The following LPIN2 variants were observed in gnomAD, a reference collection of about 807,000 sequenced individuals.
The protein encoded by LPIN2 is lipin 2, also known as phosphatidate phosphatase LPIN2.
Under a neutral mutation model 111.4 loss-of-function variants are expected in LPIN2, and 55 were observed. That is an observed-to-expected ratio of 0.49 (90% CI 0.40 to 0.62). LPIN2 has a LOEUF of 0.62. Ranked by LOEUF, LPIN2 falls within the 20% of genes least tolerant of loss-of-function variation. The pLI, the probability that LPIN2 is intolerant of heterozygous loss-of-function variation, is 0.00. For synonymous variants in LPIN2, 425 were observed against 414.0 expected (o/e 1.03, Z -0.32); for missense variants, 992 against 1,112.1 (o/e 0.89, Z 1.54).
chr18:2,973,505 C>T lies in LPIN2; in HGVS notation c.-9-12656G>A, dbSNP rs1057415926. 3.3e-5 allele frequency among the ~76,000 whole-genome samples: 5 copies of T among 152,218 alleles called. No homozygotes were observed. The South Asian group carries it at 6.2e-4, about 19-fold the overall frequency. ...GTCCACGTGACATTAATCAATACTG[C>T]TGCATGTATCAGTAGTCTGTTCCCT... On this transcript the variant is annotated intron_variant, in intron 1 of 19. Coordinates refer to ENST00000677752, the MANE Select transcript of LPIN2 (RefSeq NM_001375808.2).
rs774090516 is a variant in LPIN2, at chr18:2,925,282, A to C, written c.1880T>G (p.Leu627Arg). The C allele has an allele frequency of 3.7e-6, 6 of 1,614,066 alleles. No homozygotes were observed. Among genetic ancestry groups the C allele is most frequent in the South Asian group, 1.1e-5 (1 of 91,092 alleles). The change falls in exon 14 of 20, where the codon CTG becomes CGG. Residue 627 changes from leucine (L) to arginine (R), a missense_variant. By Grantham distance (102) the Leu-to-Arg change is moderately radical. Coordinates refer to ENST00000677752, the MANE Select transcript of LPIN2 (RefSeq NM_001375808.2). This position sits in a 1 kb window ranked among gnomAD's most constrained non-coding sequence, Gnocchi z 4.1. ...ATATGAAGTTGTGCTGCCGTGGCTC[A>C]GGGGCTCTGTGGGGATGGGGTCCAC... is the stretch of plus-strand genomic sequence containing the variant. ...ITVDPIPTEP[L>R]SHGSTTSYKK...
At chr18:2,923,544 G>A (rs574242908) in intron 16 of LPIN2, among the ~76,000 whole-genome samples, 8 of 151,794 alleles carry the variant, frequency 5.3e-5, no homozygotes, top group Admixed American at 2.6e-4. Context: ...ATAGATGTAG[G>A]TAGTGCCTGA....
intron 7 of LPIN2, 140 bp downstream of exon 7, chr18:2,937,544 TAAAAAAAA>T (rs71366618): frequency 3.7e-4 from 128 of 345,702 alleles, no homozygotes; most frequent in East Asian, 1.1e-3. Context: ...AAACTCCAGC[TAAAAAAAA>T]AAAAAAAAAA....
At chr18:2,926,170 A>G (rs1028716998) in intron 13 of LPIN2, among the ~76,000 whole-genome samples, 6 of 152,174 alleles carry the variant, frequency 3.9e-5, no homozygotes, top group Non-Finnish European at 5.9e-5. Context: ...CTTAAAAGAT[A>G]TAGGATGGGG....
At chr18:2,932,633 T>G (rs546072679) in intron 8 of LPIN2, among the ~76,000 whole-genome samples, 35 of 152,294 alleles carry the variant, frequency 2.3e-4, no homozygotes, top group African/African-American at 8.2e-4. Flanking sequence ...TGTCTCCTCT[T>G]TCTCCGGGGC....
At chr18:2,996,799 G>GT (rs1056621951) in intron 1 of LPIN2, among the ~76,000 whole-genome samples, 11 of 151,950 alleles carry the variant, frequency 7.2e-5, no homozygotes, top group Non-Finnish European at 1.3e-4. Context: ...TATCTATTGA[G>GT]TATCATATAT....
intron 1 of LPIN2, among the ~76,000 whole-genome samples, chr18:2,988,012 C>CGAAAAAAAAA (rs2078211683): frequency 3.1e-5 from 1 of 32,344 alleles, no homozygotes; most frequent in Non-Finnish European, 6.4e-5. Flanking sequence ...GAGACTGTCT[C>CGAAAAAAAAA]AAAAAAAAAA....
At chr18:2,977,212 A>C (rs1174206190) in intron 1 of LPIN2, 1 of 152,060 alleles carries the variant, frequency 6.6e-6, no homozygotes, top group African/African-American at 2.4e-5. Flanking sequence ...AAAAAATCAT[A>C]AACACCTGGG....
chr18:3,002,816 C>T (rs1007517244), intron 1 of LPIN2, among the ~76,000 whole-genome samples: 10 of 152,232 alleles, frequency 6.6e-5, no homozygotes, highest in South Asian at 4.1e-4. Context: ...TTCCCACAAT[C>T]GCTCAAGCAG....
intron 1 of LPIN2, among the ~76,000 whole-genome samples, chr18:2,999,804 T>C (rs2078403844): frequency 6.6e-6 from 1 of 152,106 alleles, no homozygotes; most frequent in African/African-American, 2.4e-5. Context: ...CTCTTGGAAA[T>C]TAACACACAA....
Position 2,946,389 on chromosome 18 carries a change from A to G in LPIN2, c.590+4666T>C, listed in dbSNP as rs533820390. ...CCTACAATGCTTAAGAAATCAGAAA[A>G]ATCAGTTGTTCTTCTCTTACAGCAA... On this transcript the variant is annotated intron_variant, in intron 4 of 19. Coordinates refer to ENST00000677752, the MANE Select transcript of LPIN2 (RefSeq NM_001375808.2). 8.1e-6 allele frequency: 12 copies of G among 1,488,560 alleles called. No individual in the cohort carries two copies. In the African/African-American group the frequency reaches 1.4e-4, roughly 17 times the overall value. 92.2% of individuals were successfully genotyped at this position (1,488,560 alleles called of 1,614,324 possible). A position where few individuals can be genotyped will look rare whatever the true frequency, so the allele number is the denominator to read the frequency against.
At chr18:2,972,626 C>T (rs1351698900) in intron 1 of LPIN2, among the ~76,000 whole-genome samples, 2 of 152,144 alleles carry the variant, frequency 1.3e-5, no homozygotes, top group African/African-American at 4.8e-5. Context: ...TCAATTTTAT[C>T]GTTAAATTTC....
chr18:2,964,658 C>T (rs1188700030), intron 1 of LPIN2, among the ~76,000 whole-genome samples: 1 of 152,216 alleles, frequency 6.6e-6, no homozygotes, highest in Non-Finnish European at 1.5e-5. Flanking sequence ...TGGTATTCTG[C>T]TGCAGTACCC....
intron 1 of LPIN2, among the ~76,000 whole-genome samples, chr18:2,969,729 A>T (rs2077873748): frequency 1.3e-5 from 2 of 152,186 alleles, no homozygotes; most frequent in African/African-American, 4.8e-5. Flanking sequence ...ATGAACCCCA[A>T]CCCAGACCTA....
intron 5 of LPIN2, 92 bp from the exon 6 acceptor site, chr18:2,939,695 A>G: frequency 7.1e-7 from 1 of 1,409,996 alleles, no homozygotes; most frequent in Non-Finnish European, 9.8e-7. Context: ...AAATCTGAAT[A>G]TCTTGACTTT....
chr18:3,009,137 C>G (rs963992502), intron 1 of LPIN2, among the ~76,000 whole-genome samples: 5 of 151,988 alleles, frequency 3.3e-5, no homozygotes, highest in Non-Finnish European at 7.4e-5. Flanking sequence ...CGGTGGCTCA[C>G]GTCTGTAATC....
rs59457524 is a variant in LPIN2 at position 2,960,174 on chromosome 18, A to ATGTGTGTGTGTGTG, written c.192+461_192+474dup. Among the ~76,000 whole-genome samples, 368 of 136,616 alleles carry ATGTGTGTGTGTGTG rather than the reference A, an allele frequency of 2.7e-3. 2 individuals are homozygous for ATGTGTGTGTGTGTG. The highest frequency in any genetic ancestry group is 4.2e-3 in the Admixed American group (57 of 13,638). The allele number at this position is 136,616 out of a possible 152,430, so 89.6% of individuals were successfully genotyped here. ...AGCAAAGCGAGACTCCGACTCAAAA[A>ATGTGTGTGTGTGTG]TGTGTGTGTGTGTGTGTGTGTGTGT... On this transcript the variant is annotated intron_variant, in intron 2 of 19. Transcript: ENST00000677752.
At chr18:2,960,417 G>A (rs191785149) in intron 2 of LPIN2, among the ~76,000 whole-genome samples, 1 of 151,524 alleles carries the variant, frequency 6.6e-6, no homozygotes, top group East Asian at 1.9e-4. Context: ...TTCCCTTGAA[G>A]AGACTTCTGC....
chr18:3,000,873 G>A (rs1489197594), intron 1 of LPIN2, among the ~76,000 whole-genome samples: 2 of 146,302 alleles, frequency 1.4e-5, no homozygotes, highest in Non-Finnish European at 3.0e-5. Context: ...AAACCAAGGT[G>A]CTTCATCAAG....
Sources: allele counts gnomAD v4.1 joint callset (sites outside exome capture counted in the v4.1 genomes callset), GRCh38; gene constraint gnomAD v4.1.1; non-coding constraint Gnocchi (gnomAD v3.1); transcripts MANE v1.5; gene names NCBI Gene and HGNC (gene_info 2026-07-23, HGNC 2026-07-21).